Variants in R3HDM4 observed in about 807,000 individuals in gnomAD.
R3HDM4 encodes the protein R3H domain containing 4.
R3HDM4 carries 30 observed loss-of-function variants against 31.3 expected under a neutral mutation model. The observed-to-expected ratio is 0.96, with a 90% CI of 0.72 to 1.30. R3HDM4 has a LOEUF of 1.30. R3HDM4 is among the 50% of genes most tolerant of loss of function. R3HDM4 has a pLI of 0.00. For missense variants in R3HDM4, 444 were observed against 366.1 expected, an observed-to-expected ratio of 1.21 and a Z score of -1.74; for synonymous variants, 196 against 156.6, an observed-to-expected ratio of 1.25 and a Z score of -1.88.
chr19:897,636 G>A (rs2036758106), intron 7 of R3HDM4, 96 bp from the exon 8 acceptor site: 1 of 951,924 alleles, frequency 1.1e-6, no homozygotes, highest in Non-Finnish European at 1.6e-6. Context: ...TTCTTCCCAG[G>A]GAGGTCACCG....
At position 897,401 on chromosome 19, in the gene R3HDM4, G is replaced by A. The variant is rs1420126589; in HGVS notation, c.*36C>T. 1 of 1,462,168 alleles carries A rather than the reference G, an allele frequency of 6.8e-7. No homozygotes were observed. The highest frequency in any genetic ancestry group is 9.3e-7 in the Non-Finnish European group (1 of 1,070,686). The allele number at this position is 1,462,168 out of a possible 1,614,324, so 90.6% of individuals were successfully genotyped here. A position where few individuals can be genotyped will look rare whatever the true frequency, so the allele number is the denominator to read the frequency against. The stretch of plus-strand genomic sequence containing the variant: ...GAAGGTATCGGAGGGCTTGATGGCT[G>A]GGCGAGGTGGCAGCGGGGTCTCCGC... On this transcript the variant is annotated 3_prime_UTR_variant, in exon 8 of 8. Transcript: ENST00000361574.
chr19:902,104 A>AGGGC lies in R3HDM4; in HGVS notation c.94_97dup (p.Leu33ArgfsTer109). On this transcript the variant is annotated frameshift_variant, in exon 2 of 8. Transcript: ENST00000361574. LOFTEE classifies it high-confidence loss of function. ...GAGTCTCTTCACCTGGGAGCTGGCT[A>AGGGC]GGGCAGGCAGGCAGCTGGGAAGGGG... The AGGGC allele has an allele frequency of 6.2e-7, 1 of 1,613,532 alleles. No individual in the cohort carries two copies. Among genetic ancestry groups the AGGGC allele is most frequent in the Non-Finnish European group, 8.5e-7 (1 of 1,179,952 alleles).
At chr19:910,930 TCA>T (rs1370947645) in intron 1 of R3HDM4, among the ~76,000 whole-genome samples, 5 of 137,560 alleles carry the variant, frequency 3.6e-5, no homozygotes, top group African/African-American at 1.4e-4. Flanking sequence ...CCATCCTGGC[TCA>T]CACGGCAAAA....
Position 898,772 on chromosome 19 carries a change from C to T in R3HDM4, c.703+668G>A, listed in dbSNP as rs554872513. 2.0e-4 allele frequency among the ~76,000 whole-genome samples: 31 copies of T among 152,216 alleles called. No individual in the cohort carries two copies. In the South Asian group the frequency reaches 4.8e-3, roughly 23 times the overall value. ...TCCACACCCACCAAGCTCCAAGCCCCGCACCCCCAGCCAAGGCCGGATGTT... is the reference window on the plus strand; with the variant it reads ...TCCACACCCACCAAGCTCCAAGCCCTGCACCCCCAGCCAAGGCCGGATGTT... On this transcript the variant is annotated intron_variant, in intron 7 of 7. Transcript: ENST00000361574.
chr19:897,327 A>T lies in R3HDM4; in HGVS notation c.*110T>A, dbSNP rs2036751724. ...AGAGTGAGAGAGACCACCCCAAGCG[A>T]AAAAGGTTTCCGAGGACAAATTCTA... On this transcript the variant is annotated 3_prime_UTR_variant, in exon 8 of 8. Transcript: ENST00000361574. 2.4e-6 allele frequency: 2 copies of T among 843,870 alleles called. No homozygotes were observed. Among genetic ancestry groups the T allele is most frequent in the African/African-American group, 1.7e-5 (1 of 57,770 alleles). The allele number at this position is 843,870 out of a possible 1,614,324, so 52.3% of individuals were successfully genotyped here.
rs955532084 is a variant in R3HDM4, at chr19:897,365, A to G, written c.*72T>C. 1 of 1,136,790 alleles carries G rather than the reference A, an allele frequency of 8.8e-7. No individual in the cohort carries two copies. The highest frequency in any genetic ancestry group is 1.2e-6 in the Non-Finnish European group (1 of 807,252). The allele number at this position is 1,136,790 out of a possible 1,614,324, so 70.4% of individuals were successfully genotyped here. ...AGGACAAATTCTAAAAATATGAAAG[A>G]TATTTTAGCCGAAGGTATCGGAGGG... is the stretch of plus-strand genomic sequence containing the variant. On this transcript the variant is annotated 3_prime_UTR_variant, in exon 8 of 8. Coordinates refer to ENST00000361574, the MANE Select transcript of R3HDM4 (RefSeq NM_138774.4).
chr19:901,786 G>A (rs894960040), intron 2 of R3HDM4, 190 bp downstream of exon 2: 44 of 517,312 alleles, frequency 8.5e-5, no homozygotes, highest in African/African-American at 2.0e-5. Flanking sequence ...ACCCAGCCCT[G>A]ATCCAAGAGT....
intron 1 of R3HDM4, among the ~76,000 whole-genome samples, chr19:910,978 G>A (rs950173395): frequency 1.1e-4 from 16 of 151,608 alleles, no homozygotes; most frequent in African/African-American, 3.1e-4. Context: ...AAAATTAGCC[G>A]GGCGCGGTGG....
intron 1 of R3HDM4, among the ~76,000 whole-genome samples, chr19:905,160 A>T (rs1292238035): frequency 6.6e-6 from 1 of 151,600 alleles, no homozygotes; most frequent in Non-Finnish European, 1.5e-5. Flanking sequence ...GTGAGCCAAG[A>T]TTGTGCCACT....
At chr19:908,641 A>T (rs2036934725) in intron 1 of R3HDM4, among the ~76,000 whole-genome samples, 1 of 152,038 alleles carries the variant, frequency 6.6e-6, no homozygotes, top group Non-Finnish European at 1.5e-5. Context: ...AAATAAAAAA[A>T]TCCCACGTCC....
intron 1 of R3HDM4, among the ~76,000 whole-genome samples, chr19:905,379 C>T (rs1453564573): frequency 6.6e-6 from 1 of 151,536 alleles, no homozygotes; most frequent in African/African-American, 2.4e-5. Context: ...GTGACGCATG[C>T]CTGTAATCCC....
rs747963023 is a variant in R3HDM4, at chr19:901,515, G to A, written c.258C>T (p.Asp86=). 13 of 1,608,106 alleles carry A rather than the reference G, an allele frequency of 8.1e-6. No homozygotes were observed. The highest frequency in any genetic ancestry group is 1.7e-4 in the Middle Eastern group (1 of 5,996). The change falls in exon 3 of 8, where the codon GAC becomes GAT. Residue 86 remains aspartate (D), a synonymous_variant. Coordinates refer to ENST00000361574, the MANE Select transcript of R3HDM4 (RefSeq NM_138774.4). ...CATCCTCCAGGCCAGGCAGGCCCCCGTCTGTCTCCAGCAGGGTCAGGAGGT... is the reference window on the plus strand; with the variant it reads ...CATCCTCCAGGCCAGGCAGGCCCCCATCTGTCTCCAGCAGGGTCAGGAGGT... ...TQYLLTLLET[D]GGLPGLEDGD... is the part of the protein sequence containing the mutation.
At chr19:906,365 G>C (rs1290096453) in intron 1 of R3HDM4, among the ~76,000 whole-genome samples, 5 of 151,424 alleles carry the variant, frequency 3.3e-5, no homozygotes, top group Non-Finnish European at 7.4e-5. Context: ...GACTACAGGT[G>C]CCCGCCACCA....
intron 1 of R3HDM4, 101 bp downstream of exon 1, chr19:912,986 G>A (rs923290856): frequency 9.2e-6 from 3 of 326,356 alleles, no homozygotes; most frequent in African/African-American, 2.5e-5. Context: ...GGAACGAGGG[G>A]AGGGAAGGGA....
intron 1 of R3HDM4, among the ~76,000 whole-genome samples, chr19:903,490 C>T (rs2036863305): frequency 6.7e-6 from 1 of 149,718 alleles, no homozygotes; most frequent in African/African-American, 2.5e-5. Flanking sequence ...ACCGGGCACC[C>T]GGGAAGCGGG....
chr19:904,467 C>G (rs1419461105), intron 1 of R3HDM4, among the ~76,000 whole-genome samples: 1 of 152,142 alleles, frequency 6.6e-6, no homozygotes. Flanking sequence ...AAATTAAAAG[C>G]AACCCACTCC....
At chr19:909,384 A>C (rs1046856493) in intron 1 of R3HDM4, among the ~76,000 whole-genome samples, 1 of 152,144 alleles carries the variant, frequency 6.6e-6, no homozygotes, top group Non-Finnish European at 1.5e-5. Context: ...GGCGGCCCCC[A>C]GCAGTCCCCA....
At chr19:912,696 G>A (rs1241024963) in intron 1 of R3HDM4, among the ~76,000 whole-genome samples, 1 of 128,262 alleles carries the variant, frequency 7.8e-6, no homozygotes, top group Admixed American at 7.6e-5. Flanking sequence ...GGGTGGACCC[G>A]GGAATGGAGG....
At chr19:911,594 A>G (rs1334182319) in intron 1 of R3HDM4, among the ~76,000 whole-genome samples, 1 of 152,246 alleles carries the variant, frequency 6.6e-6, no homozygotes, top group Non-Finnish European at 1.5e-5. Context: ...CCCATTTTAC[A>G]GAAGGGGAAA....
Sources: allele counts gnomAD v4.1 joint callset (sites outside exome capture counted in the v4.1 genomes callset), GRCh38; gene constraint gnomAD v4.1.1; transcripts MANE v1.5; gene names NCBI Gene and HGNC (gene_info 2026-07-23, HGNC 2026-07-21).